The following SGCD variants were observed in gnomAD, a reference collection of about 807,000 sequenced individuals.
SGCD encodes sarcoglycan delta, also known as delta-sarcoglycan.
Under a neutral mutation model 36.6 loss-of-function variants are expected in SGCD, and 18 were observed. The observed-to-expected ratio is 0.49, with a 90% confidence interval of 0.34 to 0.73. SGCD has a LOEUF of 0.73. Among genes scored for constraint, SGCD ranks in the 30% least tolerant of loss-of-function variants. SGCD has a pLI of 0.01. For synonymous variants in SGCD, 133 were observed against 130.6 expected (o/e 1.02, Z -0.12); for missense variants, 387 against 346.7 (o/e 1.12, Z -0.92).
intron 1 of SGCD, among the ~76,000 whole-genome samples, chr5:155,929,122 T>C (rs1250345049): frequency 1.3e-5 from 2 of 152,174 alleles, no homozygotes; most frequent in East Asian, 1.9e-4. Context: ...CCAATTCTAA[T>C]TTGTTACAGG....
At position 156,595,591 on chromosome 5, in the gene SGCD, C is replaced by T. The variant is rs535585326; in HGVS notation, c.502+540C>T. 1.4e-4 allele frequency among the ~76,000 whole-genome samples: 22 copies of T among 152,286 alleles called. No homozygotes were observed. In the East Asian group the frequency reaches 4.3e-3, roughly 29 times the overall value. ...TTCTCAAGCTGTCAAGTCTTTTTGG[C>T]ACATCTTTCAACACTGAGCTTTGTG... On this transcript the variant is annotated intron_variant, in intron 6 of 8. Transcript: ENST00000337851.
At chr5:155,884,919 G>A (rs145375938) in intron 1 of SGCD, among the ~76,000 whole-genome samples, 1,503 of 116,788 alleles carry the variant, frequency 0.013, 406 homozygotes, top group Non-Finnish European at 0.015. Context: ...TAATGACAAC[G>A]ACGATAACTG....
intron 3 of SGCD, among the ~76,000 whole-genome samples, chr5:156,226,705 A>G (rs146666707): frequency 6.6e-6 from 1 of 152,046 alleles, no homozygotes; most frequent in Non-Finnish European, 1.5e-5. Flanking sequence ...GTTCCCTGTT[A>G]ACTGCCAACA....
chr5:155,743,208 A>G, the SGCD span, among the ~76,000 whole-genome samples: 2 of 152,288 alleles, frequency 1.3e-5, no homozygotes, highest in African/African-American at 2.4e-5. Context: ...CAACCCTACA[A>G]TCACATAGTT....
At chr5:155,827,672 C>CTTTTT in the SGCD span, among the ~76,000 whole-genome samples, 15 of 64,442 alleles carry the variant, frequency 2.3e-4, no homozygotes, top group Admixed American at 7.2e-4. Flanking sequence ...CTAAATAATT[C>CTTTTT]TTTTTTTTTT....
intron 4 of SGCD, among the ~76,000 whole-genome samples, chr5:156,569,226 A>G (rs1186524909): frequency 6.6e-6 from 1 of 152,114 alleles, no homozygotes; most frequent in East Asian, 1.9e-4. Flanking sequence ...TGCACTGGGG[A>G]TGCATGGGTA....
chr5:156,293,242 T>C (rs1461775322), intron 3 of SGCD, among the ~76,000 whole-genome samples: 1 of 152,136 alleles, frequency 6.6e-6, no homozygotes, highest in East Asian at 1.9e-4. Flanking sequence ...TACCTGGCTT[T>C]GTGGGTTGCC....
Position 156,382,856 on chromosome 5 carries a change from G to A in SGCD, c.192+38179G>A, listed in dbSNP as rs185272005. ...AAAAACAGTTATTAGATTTTAAACT[G>A]GGCATTCCAGGTTTTTCCTTATTAG... On this transcript the variant is annotated intron_variant, in intron 3 of 8. Coordinates refer to ENST00000337851, the MANE Select transcript of SGCD (RefSeq NM_000337.6). 3.9e-5 allele frequency among the ~76,000 whole-genome samples: 6 copies of A among 152,250 alleles called. No homozygotes were observed. In the East Asian group the frequency reaches 1.2e-3, roughly 29 times the overall value.
chr5:156,300,674 T>C (rs886768031), intron 3 of SGCD, among the ~76,000 whole-genome samples: 1 of 152,088 alleles, frequency 6.6e-6, no homozygotes, highest in South Asian at 2.1e-4. Flanking sequence ...TACTTGATTT[T>C]ATGTCTGGAT....
At chr5:156,386,975 AAAT>A (rs1771310017) in intron 3 of SGCD, among the ~76,000 whole-genome samples, 1 of 152,200 alleles carries the variant, frequency 6.6e-6, no homozygotes, top group South Asian at 2.1e-4. Context: ...TGTACTTTAA[AAAT>A]AATACTATTT....
At chr5:155,754,899 G>A in the SGCD span, among the ~76,000 whole-genome samples, 1 of 152,046 alleles carries the variant, frequency 6.6e-6, no homozygotes, top group African/African-American at 2.4e-5. Context: ...TTCCACATTT[G>A]ATGACTTTCC....
intron 6 of SGCD, among the ~76,000 whole-genome samples, chr5:156,598,197 A>T (rs1403690166): frequency 6.6e-6 from 1 of 152,090 alleles, no homozygotes; most frequent in Non-Finnish European, 1.5e-5. Flanking sequence ...TTCTATTTTA[A>T]TTCTTGGCTG....
intron 3 of SGCD, among the ~76,000 whole-genome samples, chr5:156,415,322 T>C (rs182687085): frequency 1.4e-4 from 21 of 152,290 alleles, no homozygotes; most frequent in Admixed American, 1.2e-3. Flanking sequence ...GATTAGAATG[T>C]ACTCTTCATT....
chr5:156,647,355 G>T (rs1191411215), intron 6 of SGCD, 109 bp from the exon 7 acceptor site: 1 of 669,270 alleles, frequency 1.5e-6, no homozygotes, highest in South Asian at 1.9e-5. Flanking sequence ...ATGTGGGTAT[G>T]GGGTTGTGTA....
intron 4 of SGCD, among the ~76,000 whole-genome samples, chr5:156,541,380 A>G (rs1253186713): frequency 2.0e-5 from 3 of 152,148 alleles, no homozygotes; most frequent in Non-Finnish European, 4.4e-5. Context: ...AGGAACAAAG[A>G]GATCAGGGAG....
chr5:156,102,068 A>G (rs1290618320), intron 1 of SGCD, among the ~76,000 whole-genome samples: 5 of 151,968 alleles, frequency 3.3e-5, no homozygotes, highest in Admixed American at 1.3e-4. Context: ...GTCCATTATT[A>G]CTAGGACTTT....
intron 6 of SGCD, among the ~76,000 whole-genome samples, chr5:156,623,100 G>A (rs280467): frequency 0.32 from 48,088 of 151,888 alleles, 8,486 homozygotes; most frequent in African/African-American, 0.48. Flanking sequence ...TATATGATAT[G>A]TGTGTATATA....
chr5:156,639,911 C>T (rs1470517917), intron 6 of SGCD, among the ~76,000 whole-genome samples: 1 of 151,160 alleles, frequency 6.6e-6, no homozygotes, highest in African/African-American at 2.4e-5. Flanking sequence ...CCTTAAAATT[C>T]TGACATTGGC....
At chr5:155,749,717 A>G in the SGCD span, among the ~76,000 whole-genome samples, 1 of 152,228 alleles carries the variant, frequency 6.6e-6, no homozygotes, top group Non-Finnish European at 1.5e-5. Context: ...TATATCATTC[A>G]TGAATGGAAG....
Sources: gnomAD v4.1 joint callset for allele counts (sites outside exome capture counted in the v4.1 genomes callset) on GRCh38, gnomAD v4.1.1 for gene constraint, MANE v1.5 for transcripts, NCBI Gene and HGNC (gene_info 2026-07-23, HGNC 2026-07-21) for gene names.